Variants in KNTC1 observed in about 807,000 individuals in gnomAD.
The protein encoded by KNTC1 is kinetochore associated 1, also known as kinetochore-associated protein 1.
KNTC1 carries 253 observed loss-of-function variants against 314.4 expected under a neutral mutation model. The ratio of observed to expected loss-of-function variants is 0.80; its 90% CI spans 0.73 to 0.89. The LOEUF (loss-of-function observed/expected upper bound fraction) is 0.89. Among genes scored for constraint, KNTC1 ranks in the 40% least tolerant of loss-of-function variants. KNTC1 has a pLI of 0.00. For missense variants in KNTC1, 2,475 were observed against 2,572.9 expected (o/e 0.96, Z 0.82); for synonymous variants, 901 against 901.4 (o/e 1.00, Z 0.01).
At position 122,590,662 on chromosome 12, in the gene KNTC1, T is replaced by C. The variant is rs1235026108; in HGVS notation, c.4055T>C (p.Leu1352Ser). Reference protein sequence around the residue: ...LDLALGYCTLLPQKDVFENLW... With the variant: ...LDLALGYCTLSPQKDVFENLW... ...CTGGCGTTGGGTTACTGCACTCTCTTACCTCAAAAAGATGTGTTTGAAAAT... is the reference window on the plus strand; with the variant it reads ...CTGGCGTTGGGTTACTGCACTCTCTCACCTCAAAAAGATGTGTTTGAAAAT... Residue 1352 changes from leucine to serine, a missense_variant, in exon 41 of 64, where the codon TTA becomes TCA. By Grantham distance (145) the Leu-to-Ser change is moderately radical. Transcript: ENST00000333479. 24 of 1,613,628 alleles carry C rather than the reference T, an allele frequency of 1.5e-5. No homozygotes were observed. Among genetic ancestry groups the C allele is most frequent in the Non-Finnish European group, 2.0e-5 (24 of 1,179,734 alleles).
chr12:122,536,511 C>T (rs545822241), intron 3 of KNTC1, among the ~76,000 whole-genome samples: 14 of 150,222 alleles, frequency 9.3e-5, no homozygotes, highest in South Asian at 8.4e-4. Flanking sequence ...CGTGAGCCAC[C>T]GTGCCAGGCC....
Position 122,563,652 on chromosome 12 carries a change from A to G in KNTC1, c.1604+953A>G, listed in dbSNP as rs149650830. The G allele has an allele frequency of 3.3e-5, 22 of 676,760 alleles. No individual in the cohort carries two copies. The East Asian group carries it at 8.2e-4, about 25-fold the overall frequency. The allele number at this position is 676,760 out of a possible 1,614,324, so 41.9% of individuals were successfully genotyped here. A position where few individuals can be genotyped will look rare whatever the true frequency, so the allele number is the denominator to read the frequency against. ...AGCAGCGAGAAGGGCAGATCTCCAT[A>G]TGTGTAAGTCCATCTTTTCTATCCT... On this transcript the variant is annotated intron_variant, in intron 20 of 63. Transcript: ENST00000333479.
chr12:122,586,981 G>A (rs1869436006), intron 38 of KNTC1, among the ~76,000 whole-genome samples: 1 of 151,692 alleles, frequency 6.6e-6, no homozygotes, highest in Non-Finnish European at 1.5e-5. Flanking sequence ...CGCCGAGCTA[G>A]TTCTTTTGTA....
At position 122,530,107 on chromosome 12, in the gene KNTC1, G is replaced by C. The variant is rs982532025; in HGVS notation, c.44G>C (p.Ser15Thr). 1 of 1,613,752 alleles carries C rather than the reference G, an allele frequency of 6.2e-7. No individual in the cohort carries two copies. ...CTGCTAACAAATGATGATACCGGAAGTGGGTACCTGAGTGTCGGTTCAAGA... is the reference window on the plus strand; with the variant it reads ...CTGCTAACAAATGATGATACCGGAACTGGGTACCTGAGTGTCGGTTCAAGA... ...IELLTNDDTG[S>T]GYLSVGSRKE... The change falls in exon 2 of 64, where the codon AGT becomes ACT. Residue 15 changes from serine (S) to threonine (T), a missense_variant. Transcript: ENST00000333479.
At position 122,587,776 on chromosome 12, in the gene KNTC1, A is replaced by T; in HGVS notation, c.3796A>T (p.Ser1266Cys). ...CCTGCTTCAGAATCTTCAGGAATCT[A>T]GCCAGTGGGAGCTAGCCCTAAGATT... ...SALLQNLQES[S>C]QWELALRFVV... Residue 1266 changes from serine to cysteine, a missense_variant, in exon 39 of 64, where the codon AGC (serine) becomes TGC (cysteine). Physicochemically the swap from Ser to Cys is moderately radical, Grantham distance 112. Coordinates refer to ENST00000333479, the MANE Select transcript of KNTC1 (RefSeq NM_014708.6). 6.2e-7 allele frequency: 1 copy of T among 1,613,798 alleles called. No homozygotes were observed. Among genetic ancestry groups the T allele is most frequent in the Non-Finnish European group, 8.5e-7 (1 of 1,179,728 alleles).
chr12:122,560,821 G>T (rs2137838841), intron 18 of KNTC1, among the ~76,000 whole-genome samples: 1 of 152,240 alleles, frequency 6.6e-6, no homozygotes, highest in East Asian at 1.9e-4. Context: ...CTTTCACCCA[G>T]GCTGGAGTGC....
rs777062714 is a variant in KNTC1, at chr12:122,615,540, T to G, written c.6030+14T>G. ...TCTTTATGGCAGGTATGTAGTTTTTTAAAATAAATTTTATTGAATTTAGTC... is the reference window on the plus strand; with the variant it reads ...TCTTTATGGCAGGTATGTAGTTTTTGAAAATAAATTTTATTGAATTTAGTC... On this transcript the variant is annotated intron_variant, in intron 57 of 63. Transcript: ENST00000333479. 5.4e-5 allele frequency: 82 copies of G among 1,512,292 alleles called. No homozygotes were observed. Among genetic ancestry groups the G allele is most frequent in the Admixed American group, 1.3e-4 (6 of 46,472 alleles). 93.7% of individuals were successfully genotyped at this position (1,512,292 alleles called of 1,614,324 possible).
chr12:122,580,195 T>A (rs567349943), intron 32 of KNTC1, among the ~76,000 whole-genome samples: 7 of 152,356 alleles, frequency 4.6e-5, no homozygotes, highest in Admixed American at 6.5e-5. Flanking sequence ...TTTGTTTATA[T>A]GCTCACTTAC....
intron 26 of KNTC1, 64 bp from the exon 27 acceptor site, chr12:122,574,218 A>G (rs774875825): frequency 1.0e-5 from 9 of 877,848 alleles, no homozygotes; most frequent in Non-Finnish European, 1.6e-5. Flanking sequence ...ATCTAGCTGT[A>G]TGTGGCATTT....
chr12:122,528,770 A>C (rs1208985507), intron 1 of KNTC1, among the ~76,000 whole-genome samples: 1 of 152,162 alleles, frequency 6.6e-6, no homozygotes, highest in African/African-American at 2.4e-5. Context: ...CTTGCGTAAC[A>C]GTGTAAATGT....
Position 122,554,944 on chromosome 12 carries a change from C to G in KNTC1, c.1273-2440C>G, listed in dbSNP as rs577676678. On this transcript the variant is annotated intron_variant, in intron 16 of 63. Transcript: ENST00000333479. ...CCTGTAGTCCCAGCTACTTGAGATG[C>G]TGAGGCAAGAGAATTGCTTGAGCCC... Among the ~76,000 whole-genome samples, 6 of 152,246 alleles carry G rather than the reference C, an allele frequency of 3.9e-5. No homozygotes were observed. In the South Asian group the frequency reaches 1.2e-3, roughly 32 times the overall value.
In KNTC1 at chr12:122,575,781, T is replaced by A. The variant is rs1381078224; in HGVS notation, c.2487-19T>A. 1.3e-6 allele frequency: 2 copies of A among 1,596,684 alleles called. No individual in the cohort carries two copies. The highest frequency in any genetic ancestry group is 1.7e-6 in the Non-Finnish European group (2 of 1,165,976). Reference sequence around the variant, plus strand: ...ATAAAAAAGACAATCCATGTTAATATGGGTAAATTTGCTTTCAGAGTCAAG... The same window carrying A: ...ATAAAAAAGACAATCCATGTTAATAAGGGTAAATTTGCTTTCAGAGTCAAG... On this transcript the variant is annotated intron_variant, in intron 28 of 63. Coordinates refer to ENST00000333479, the MANE Select transcript of KNTC1 (RefSeq NM_014708.6).
In KNTC1 at chr12:122,545,771, G is replaced by A. The variant is rs543048477; in HGVS notation, c.670-405G>A. ...GGTTGAGACCAGTCTCAGCAACATA[G>A]GGAGACCCTGTCTCTACAACAAATA... On this transcript the variant is annotated intron_variant, in intron 8 of 63. Coordinates refer to ENST00000333479, the MANE Select transcript of KNTC1 (RefSeq NM_014708.6). Among the ~76,000 whole-genome samples, 3 of 151,968 alleles carry A rather than the reference G, an allele frequency of 2.0e-5. No homozygotes were observed. The East Asian group carries it at 5.8e-4, about 30-fold the overall frequency.
chr12:122,576,542 G>A lies in KNTC1; in HGVS notation c.2587-353G>A, dbSNP rs571393641. ...AAAAATGCAAAAAAATTAGCAGGGT[G>A]TGGTGGCATGTGCCTGTAGTCCCAG... On this transcript the variant is annotated intron_variant, in intron 29 of 63. Coordinates refer to ENST00000333479, the MANE Select transcript of KNTC1 (RefSeq NM_014708.6). Among the ~76,000 whole-genome samples, 3 of 152,250 alleles carry A rather than the reference G, an allele frequency of 2.0e-5. No individual in the cohort carries two copies. The South Asian group carries it at 6.2e-4, about 32-fold the overall frequency.
intron 20 of KNTC1, among the ~76,000 whole-genome samples, chr12:122,564,518 G>A (rs558449657): frequency 4.6e-5 from 7 of 151,710 alleles, no homozygotes; most frequent in Non-Finnish European, 1.0e-4. Context: ...AGTGGCTCAC[G>A]CCTGTAATCC....
chr12:122,583,659 C>G (rs1279767615), intron 34 of KNTC1, among the ~76,000 whole-genome samples: 1 of 152,086 alleles, frequency 6.6e-6, no homozygotes, highest in Non-Finnish European at 1.5e-5. Flanking sequence ...AACCCTGTCT[C>G]TACTAAAAAT....
chr12:122,580,804 G>A (rs1028119546), intron 33 of KNTC1, 134 bp downstream of exon 33: 8 of 509,264 alleles, frequency 1.6e-5, no homozygotes, highest in Non-Finnish European at 2.5e-5. Context: ...CAAGGTGAGT[G>A]GATCACAAGG....
chr12:122,607,521 G>T (rs138779703), intron 51 of KNTC1, among the ~76,000 whole-genome samples: 1 of 152,024 alleles, frequency 6.6e-6, no homozygotes, highest in Non-Finnish European at 1.5e-5. Flanking sequence ...CTTATTTTTA[G>T]CATCATACTG....
At chr12:122,588,632 A>G (rs1376918507) in intron 39 of KNTC1, 80 bp from the exon 40 acceptor site, 6 of 1,024,108 alleles carry the variant, frequency 5.9e-6, no homozygotes, top group Non-Finnish European at 8.0e-6. Context: ...AATTTTCACC[A>G]AAGTTCCTTA....
Sources: gnomAD v4.1 joint callset for allele counts (sites outside exome capture counted in the v4.1 genomes callset) on GRCh38, gnomAD v4.1.1 for gene constraint, MANE v1.5 for transcripts, NCBI Gene and HGNC (gene_info 2026-07-23, HGNC 2026-07-21) for gene names.